Variants in JAKMIP1 observed in about 807,000 individuals in gnomAD.
JAKMIP1 encodes the protein janus kinase and microtubule-interacting protein 1.
Under a neutral mutation model 113.0 loss-of-function variants are expected in JAKMIP1, and 33 were observed. The ratio of observed to expected loss-of-function variants is 0.29; its 90% CI spans 0.22 to 0.39. The LOEUF is 0.39. Ranked by LOEUF, JAKMIP1 falls within the 10% of genes least tolerant of loss-of-function variation. The probability of loss-of-function intolerance (pLI) is 1.00; values close to 1 mark genes in which losing one functional copy is unlikely to be tolerated. For missense variants in JAKMIP1, 813 were observed against 1,080.5 expected (o/e 0.75, Z 3.47); for synonymous variants, 480 against 459.9 (o/e 1.04, Z -0.56).
Position 6,194,545 on chromosome 4 carries a change from C to G in JAKMIP1, c.-148+5708G>C, listed in dbSNP as rs1678665956. 6.6e-6 allele frequency: 1 copy of G among 152,156 alleles called. No individual in the cohort carries two copies. The highest frequency in any genetic ancestry group is 2.1e-4 in the South Asian group (1 of 4,830). 9.4% of individuals were successfully genotyped at this position (152,156 alleles called of 1,614,324 possible). ...CCTCAGAGTCCTCATGGAAGGAAAC[C>G]CTGTAGTGATGTGTCCCACCCCCTC... On this transcript the variant is annotated intron_variant, in intron 1 of 20. Coordinates refer to ENST00000409021, the MANE Select transcript of JAKMIP1 (RefSeq NM_001099433.2). The surrounding 1 kb of genome is among the most constrained non-coding windows in gnomAD (Gnocchi z 7.4).
chr4:6,030,314 T>C (rs1712452667), intron 19 of JAKMIP1, among the ~76,000 whole-genome samples: 2 of 151,980 alleles, frequency 1.3e-5, no homozygotes. Flanking sequence ...CGCCCTGCCC[T>C]CTTAGAACCC....
Position 6,049,186 on chromosome 4 carries a change from C to G in JAKMIP1, c.1963-264G>C, listed in dbSNP as rs1206514719. ...GGGATTACAGCAGCTGGGATGCACACCACCACACCTGGATAGTTTTTGTAT... is the reference window on the plus strand; with the variant it reads ...GGGATTACAGCAGCTGGGATGCACAGCACCACACCTGGATAGTTTTTGTAT... On this transcript the variant is annotated intron_variant, in intron 15 of 20. Coordinates refer to ENST00000409021, the MANE Select transcript of JAKMIP1 (RefSeq NM_001099433.2). This position sits in a 1 kb window ranked among gnomAD's most constrained non-coding sequence, Gnocchi z 7.0. 6.6e-6 allele frequency among the ~76,000 whole-genome samples: 1 copy of G among 152,182 alleles called. No individual in the cohort carries two copies. Among genetic ancestry groups the G allele is most frequent in the Admixed American group, 6.5e-5 (1 of 15,286 alleles).
At position 6,086,802 on chromosome 4, in the gene JAKMIP1, T is replaced by C. The variant is rs998012434; in HGVS notation, c.625-1173A>G. Among the ~76,000 whole-genome samples, 1 of 151,860 alleles carries C rather than the reference T, an allele frequency of 6.6e-6. No homozygotes were observed. Among genetic ancestry groups the C allele is most frequent in the African/African-American group, 2.4e-5 (1 of 41,320 alleles). On this transcript the variant is annotated intron_variant, in intron 3 of 20. Transcript: ENST00000409021. The surrounding 1 kb of genome is among the most constrained non-coding windows in gnomAD (Gnocchi z 4.1). ...GGTGGGCCCTTATGACTGGTGTCCT[T>C]ATGAGAGGAGAAGAGAGACACAGAG... is the stretch of plus-strand genomic sequence containing the variant.
At position 6,137,269 on chromosome 4, in the gene JAKMIP1, G is replaced by A. The variant is rs1719380938; in HGVS notation, c.-147-24272C>T. Reference sequence around the variant, plus strand: ...TCCTGGCTTCCCCGTGCCAGCAGCCGGGCTCACCAGGGCCCACTGAGCCAC... The same window carrying A: ...TCCTGGCTTCCCCGTGCCAGCAGCCAGGCTCACCAGGGCCCACTGAGCCAC... On this transcript the variant is annotated intron_variant, in intron 1 of 20. Transcript: ENST00000409021. The surrounding 1 kb of genome is among the most constrained non-coding windows in gnomAD (Gnocchi z 4.5). Among the ~76,000 whole-genome samples, 3 of 152,116 alleles carry A rather than the reference G, an allele frequency of 2.0e-5. No homozygotes were observed. The highest frequency in any genetic ancestry group is 4.1e-4 in the South Asian group (2 of 4,824).
Position 6,187,900 on chromosome 4 carries a change from C to T in JAKMIP1, c.-148+12353G>A, listed in dbSNP as rs773070348. On this transcript the variant is annotated intron_variant, in intron 1 of 20. Transcript: ENST00000409021. This position sits in a 1 kb window ranked among gnomAD's most constrained non-coding sequence, Gnocchi z 4.2. ...TTTATTTTGTTTTCAATATGCCTCA[C>T]GTCATTTTTGCTCCTTTATTCTTCC... is the stretch of plus-strand genomic sequence containing the variant. Among the ~76,000 whole-genome samples the T allele has an allele frequency of 2.2e-4, 33 of 152,158 alleles. No individual in the cohort carries two copies. The highest frequency in any genetic ancestry group is 3.2e-3 in the Middle Eastern group (1 of 316).
chr4:6,119,984 C>G (rs1004110040), intron 1 of JAKMIP1, among the ~76,000 whole-genome samples: 4 of 152,194 alleles, frequency 2.6e-5, no homozygotes, highest in Non-Finnish European at 5.9e-5. Context: ...CAAGACAACT[C>G]AAGTCCAAAT....
chr4:6,101,756 A>C (rs1040488540), intron 3 of JAKMIP1, among the ~76,000 whole-genome samples: 168 of 131,034 alleles, frequency 1.3e-3, no homozygotes, highest in African/African-American at 4.6e-3. Flanking sequence ...AAAAAAAAAA[A>C]TTAGCCGGGC....
chr4:6,047,767 T>A (rs1159599245), intron 16 of JAKMIP1, among the ~76,000 whole-genome samples: 1 of 152,228 alleles, frequency 6.6e-6, no homozygotes, highest in Non-Finnish European at 1.5e-5. Context: ...ACCTCATCAC[T>A]GCAAAAATAG....
At chr4:6,144,659 A>G (rs1358722579) in intron 1 of JAKMIP1, among the ~76,000 whole-genome samples, 2 of 152,370 alleles carry the variant, frequency 1.3e-5, no homozygotes, top group South Asian at 2.1e-4. Flanking sequence ...CAAAAAAGAC[A>G]TGTTACAAAA....
At chr4:6,030,688 G>T (rs1712519329) in intron 19 of JAKMIP1, among the ~76,000 whole-genome samples, 1 of 152,228 alleles carries the variant, frequency 6.6e-6, no homozygotes, top group Non-Finnish European at 1.5e-5. Context: ...ACAATGCTGG[G>T]AGGCGGAAGG....
At chr4:6,057,064 G>A (rs377731768) in intron 11 of JAKMIP1, among the ~76,000 whole-genome samples, 5 of 152,110 alleles carry the variant, frequency 3.3e-5, no homozygotes, top group African/African-American at 4.8e-5. Context: ...GACCCTCCAC[G>A]CATGCGGAAG....
intron 1 of JAKMIP1, among the ~76,000 whole-genome samples, chr4:6,130,524 G>C (rs935877738): frequency 1.1e-4 from 17 of 152,030 alleles, no homozygotes; most frequent in Admixed American, 1.0e-3. Flanking sequence ...ATACTAAAAG[G>C]CAAAAAAGAG....
At chr4:6,077,713 G>C (rs534834027) in intron 8 of JAKMIP1, among the ~76,000 whole-genome samples, 1 of 151,826 alleles carries the variant, frequency 6.6e-6, no homozygotes, top group Non-Finnish European at 1.5e-5. Context: ...CAAACTCCTG[G>C]GCTCAAGCGA....
At chr4:6,101,042 T>C (rs2108864815) in intron 3 of JAKMIP1, among the ~76,000 whole-genome samples, 1 of 152,342 alleles carries the variant, frequency 6.6e-6, no homozygotes, top group East Asian at 1.9e-4. Context: ...ACAATGATTA[T>C]TTCATGTCCA....
At position 6,108,643 on chromosome 4, in the gene JAKMIP1, C is replaced by A. The variant is rs1434193234; in HGVS notation, c.130-2676G>T. ...TGCCCAAGCCACCTGCAGCAGCCCTCCCCGCCACACCCTCCATGCTCAAAG... is the reference window on the plus strand; with the variant it reads ...TGCCCAAGCCACCTGCAGCAGCCCTACCCGCCACACCCTCCATGCTCAAAG... On this transcript the variant is annotated intron_variant, in intron 2 of 20. Transcript: ENST00000409021. The surrounding 1 kb of genome is among the most constrained non-coding windows in gnomAD (Gnocchi z 5.6). Among the ~76,000 whole-genome samples, 5 of 152,186 alleles carry A rather than the reference C, an allele frequency of 3.3e-5. No individual in the cohort carries two copies. The highest frequency in any genetic ancestry group is 1.2e-4 in the African/African-American group (5 of 41,444).
At chr4:6,054,985 T>C (rs777402904) in intron 12 of JAKMIP1, among the ~76,000 whole-genome samples, 2 of 152,106 alleles carry the variant, frequency 1.3e-5, no homozygotes, top group African/African-American at 2.4e-5. Flanking sequence ...GATGCTAAAA[T>C]TCTCCCGAGG....
At chr4:6,077,599 G>T (rs535615122) in intron 8 of JAKMIP1, among the ~76,000 whole-genome samples, 9 of 145,928 alleles carry the variant, frequency 6.2e-5, no homozygotes, top group African/African-American at 2.3e-4. Flanking sequence ...CAGTCCTCCT[G>T]CTTCAGCCTC....
Position 6,065,984 on chromosome 4 carries a change from T to C in JAKMIP1, c.1303-976A>G, listed in dbSNP as rs1718018595. 6.6e-6 allele frequency among the ~76,000 whole-genome samples: 1 copy of C among 152,176 alleles called. No homozygotes were observed. Among genetic ancestry groups the C allele is most frequent in the South Asian group, 2.1e-4 (1 of 4,834 alleles). ...ATCAATGTCTCTTATTTTAGGAACA[T>C]AGCTTTTTTGGGTTTTTTTTTCCCA... On this transcript the variant is annotated intron_variant, in intron 8 of 20. Coordinates refer to ENST00000409021, the MANE Select transcript of JAKMIP1 (RefSeq NM_001099433.2). The surrounding 1 kb of genome is among the most constrained non-coding windows in gnomAD (Gnocchi z 5.1).
At position 6,042,088 on chromosome 4, in the gene JAKMIP1, C is replaced by G. The variant is rs1214477220; in HGVS notation, c.2097+71G>C. The G allele has an allele frequency of 1.6e-6, 2 of 1,249,032 alleles. No individual in the cohort carries two copies. The highest frequency in any genetic ancestry group is 2.3e-5 in the East Asian group (1 of 42,774). The allele number at this position is 1,249,032 out of a possible 1,614,324, so 77.4% of individuals were successfully genotyped here. The stretch of plus-strand genomic sequence containing the variant: ...AATCATTAGGAAAACACATGCAAAG[C>G]CTTCCTGCAAATCAACCTCTCTGAG... On this transcript the variant is annotated intron_variant, in intron 17 of 20. Coordinates refer to ENST00000409021, the MANE Select transcript of JAKMIP1 (RefSeq NM_001099433.2). This position sits in a 1 kb window ranked among gnomAD's most constrained non-coding sequence, Gnocchi z 5.2.
Sources: gnomAD v4.1 joint callset for allele counts (sites outside exome capture counted in the v4.1 genomes callset) on GRCh38, gnomAD v4.1.1 for gene constraint, Gnocchi (gnomAD v3.1) non-coding constraint, MANE v1.5 for transcripts, NCBI Gene and HGNC (gene_info 2026-07-23, HGNC 2026-07-21) for gene names.